The following BICRAL variants were observed in gnomAD, a reference collection of about 807,000 sequenced individuals.
BICRAL encodes the protein BICRA like chromatin remodeling complex associated protein.
Under a neutral mutation model 91.8 loss-of-function variants are expected in BICRAL, and 8 were observed. The observed-to-expected ratio is 0.09, with a 90% CI of 0.05 to 0.16. BICRAL has a LOEUF of 0.16. Among genes scored for constraint, BICRAL ranks in the 10% least tolerant of loss-of-function variants. The probability of loss-of-function intolerance (pLI) is 1.00; values close to 1 mark genes in which losing one functional copy is unlikely to be tolerated. For synonymous variants in BICRAL, 445 were observed against 491.1 expected, an observed-to-expected ratio of 0.91 and a Z score of 1.24; for missense variants, 1,038 against 1,310.9, an observed-to-expected ratio of 0.79 and a Z score of 3.21.
chr6:42,854,066 A>G (rs1235854809), intron 8 of BICRAL, among the ~76,000 whole-genome samples: 1 of 152,232 alleles, frequency 6.6e-6, no homozygotes, highest in Non-Finnish European at 1.5e-5. Flanking sequence ...ATCGTTCACT[A>G]TTATATCAAA....
At chr6:42,782,343 T>TTG (rs1554275419) in intron 1 of BICRAL, among the ~76,000 whole-genome samples, 27 of 16,996 alleles carry the variant, frequency 1.6e-3, no homozygotes, top group South Asian at 2.8e-3. Flanking sequence ...TTTTTTTTTT[T>TTG]GGGGGGGGGT....
At chr6:42,800,088 G>A (rs1226528424) in intron 1 of BICRAL, among the ~76,000 whole-genome samples, 2 of 151,852 alleles carry the variant, frequency 1.3e-5, no homozygotes, top group East Asian at 3.9e-4. Context: ...TTTTTAAAAT[G>A]CAGTCTCACT....
At chr6:42,834,703 C>T (rs1764592186) in intron 6 of BICRAL, among the ~76,000 whole-genome samples, 1 of 152,038 alleles carries the variant, frequency 6.6e-6, no homozygotes, top group South Asian at 2.1e-4. Context: ...CAAGTCTACC[C>T]ACATTTGGCA....
At chr6:42,784,896 A>G (rs1380957254) in intron 1 of BICRAL, among the ~76,000 whole-genome samples, 1 of 152,126 alleles carries the variant, frequency 6.6e-6, no homozygotes, top group Admixed American at 6.5e-5. Flanking sequence ...CGCTATATCC[A>G]AAGATCTAGT....
chr6:42,846,142 C>T (rs940764161), intron 6 of BICRAL, among the ~76,000 whole-genome samples: 1 of 151,124 alleles, frequency 6.6e-6, no homozygotes, highest in African/African-American at 2.4e-5. Context: ...TTTCAGAGGC[C>T]GAGGCAGGCG....
At chr6:42,854,602 C>T (rs376837775) in intron 8 of BICRAL, among the ~76,000 whole-genome samples, 2 of 152,158 alleles carry the variant, frequency 1.3e-5, no homozygotes, top group South Asian at 2.1e-4. Context: ...ACTGAAGCCT[C>T]GATCACCTGG....
At chr6:42,812,200 C>A (rs1274945718) in intron 2 of BICRAL, among the ~76,000 whole-genome samples, 1 of 152,096 alleles carries the variant, frequency 6.6e-6, no homozygotes, top group East Asian at 1.9e-4. Context: ...TGGCTTATGC[C>A]TGTAATCCTA....
intron 1 of BICRAL, among the ~76,000 whole-genome samples, chr6:42,793,295 A>ATTTTTTTTTT: frequency 5.8e-5 from 2 of 34,386 alleles, no homozygotes; most frequent in Non-Finnish European, 1.0e-4. Flanking sequence ...AGACCCAGCT[A>ATTTTTTTTTT]ATTTTTTTTT....
chr6:42,851,041 C>T (rs1765162248), intron 6 of BICRAL, among the ~76,000 whole-genome samples: 1 of 149,908 alleles, frequency 6.7e-6, no homozygotes, highest in African/African-American at 2.5e-5. Context: ...AAAAATTAGC[C>T]GGACGTGGTG....
At chr6:42,846,236 G>A (rs1386122453) in intron 6 of BICRAL, among the ~76,000 whole-genome samples, 7 of 151,628 alleles carry the variant, frequency 4.6e-5, no homozygotes, top group African/African-American at 1.5e-4. Context: ...TTAGCCGGGC[G>A]TGGTGGCTGT....
At chr6:42,851,392 CAT>C (rs1275039017) in intron 6 of BICRAL, among the ~76,000 whole-genome samples, 1 of 151,956 alleles carries the variant, frequency 6.6e-6, no homozygotes, top group Non-Finnish European at 1.5e-5. Flanking sequence ...TATGAGATAA[CAT>C]AAGTTTTTTT....
intron 1 of BICRAL, among the ~76,000 whole-genome samples, chr6:42,765,483 C>G (rs1202995551): frequency 6.6e-6 from 1 of 152,160 alleles, no homozygotes; most frequent in Non-Finnish European, 1.5e-5. Context: ...AAGCCACGCC[C>G]CCTGCTCCAT....
chr6:42,765,861 A>G (rs900433871), intron 1 of BICRAL, among the ~76,000 whole-genome samples: 37 of 152,180 alleles, frequency 2.4e-4, no homozygotes, highest in African/African-American at 8.2e-4. Context: ...GATTGATTAT[A>G]TAGCCTGTGG....
intron 6 of BICRAL, among the ~76,000 whole-genome samples, chr6:42,833,223 T>C (rs962196818): frequency 1.3e-5 from 2 of 150,460 alleles, no homozygotes; most frequent in African/African-American, 4.9e-5. Context: ...GCCTGGCTAG[T>C]TTTTTGTATT....
At chr6:42,827,902 A>G (rs1043971707) in intron 5 of BICRAL, among the ~76,000 whole-genome samples, 5 of 152,014 alleles carry the variant, frequency 3.3e-5, no homozygotes, top group Admixed American at 1.3e-4. Context: ...TAAAAAGTAA[A>G]TAAAGTCTGT....
chr6:42,773,524 T>G (rs1762768540), intron 1 of BICRAL, among the ~76,000 whole-genome samples: 1 of 151,954 alleles, frequency 6.6e-6, no homozygotes, highest in Non-Finnish European at 1.5e-5. Flanking sequence ...AGCCTTTTTT[T>G]GTGTGTGTGA....
intron 10 of BICRAL, among the ~76,000 whole-genome samples, chr6:42,857,623 A>ATATATATATATG (rs1765421230): frequency 7.5e-6 from 1 of 133,016 alleles, no homozygotes; most frequent in African/African-American, 3.2e-5. Flanking sequence ...AAATATATAT[A>ATATATATATATG]TATATATATA....
At chr6:42,833,981 A>G (rs1764572435) in intron 6 of BICRAL, among the ~76,000 whole-genome samples, 2 of 151,798 alleles carry the variant, frequency 1.3e-5, no homozygotes, top group Non-Finnish European at 2.9e-5. Flanking sequence ...CAGCCTCCCA[A>G]GTAGCTGGGA....
intron 6 of BICRAL, among the ~76,000 whole-genome samples, chr6:42,832,842 C>T (rs529952405): frequency 3.3e-5 from 5 of 152,146 alleles, no homozygotes; most frequent in Middle Eastern, 3.4e-3. Flanking sequence ...ACAGCAGGGG[C>T]ATTCTCCTAC....
Sources: gnomAD v4.1 joint callset for allele counts (sites outside exome capture counted in the v4.1 genomes callset) on GRCh38, gnomAD v4.1.1 for gene constraint, MANE v1.5 for transcripts, NCBI Gene and HGNC (gene_info 2026-07-23, HGNC 2026-07-21) for gene names.